KLRG1: variants seen among roughly 807,000 people sequenced by gnomAD.
KLRG1 encodes the protein killer cell lectin-like receptor subfamily G member 1.
A neutral mutation model predicts 21.8 loss-of-function variants in KLRG1; 16 were observed. The ratio of observed to expected loss-of-function variants is 0.73; its 90% CI spans 0.50 to 1.11. The LOEUF is 1.11. Ranked by LOEUF, KLRG1 falls within the 50% of genes most tolerant of loss-of-function variation. KLRG1 has a pLI of 0.00. For missense variants in KLRG1, 173 were observed against 218.3 expected (o/e 0.79, Z 1.31); for synonymous variants, 69 against 75.9 (o/e 0.91, Z 0.47).
chr12:9,158,431 T>G, the KLRG1 span: 1 of 1,614,102 alleles, frequency 6.2e-7, no homozygotes, highest in East Asian at 2.2e-5. Context: ...TTTATGGCAT[T>G]GTTGAGCAGT....
At chr12:9,003,913 C>A (rs1202568573) in intron 3 of KLRG1, among the ~76,000 whole-genome samples, 7 of 147,610 alleles carry the variant, frequency 4.7e-5, no homozygotes, top group South Asian at 2.2e-4. Context: ...TCCATGTGTT[C>A]TCATTGTTCA....
chr12:9,089,920 G>A, the KLRG1 span: 1 of 1,611,888 alleles, frequency 6.2e-7, no homozygotes, highest in Non-Finnish European at 8.5e-7. Context: ...ACAGAGGCTT[G>A]ATGACTGTGT....
chr12:9,127,561 C>T, the KLRG1 span, among the ~76,000 whole-genome samples: 2 of 152,212 alleles, frequency 1.3e-5, no homozygotes, highest in African/African-American at 4.8e-5. Flanking sequence ...CCACTTAGTC[C>T]TTTGGGGGCT....
At chr12:9,057,390 G>A in the KLRG1 span, among the ~76,000 whole-genome samples, 22,133 of 152,064 alleles carry the variant, frequency 0.15, 1,759 homozygotes, top group African/African-American at 0.19. Flanking sequence ...AAGAGGGATG[G>A]GAAATCACTT....
the KLRG1 span, among the ~76,000 whole-genome samples, chr12:9,213,413 A>G: frequency 1.3e-5 from 2 of 152,198 alleles, no homozygotes; most frequent in African/African-American, 4.8e-5. Flanking sequence ...TATTTTTCAC[A>G]GTGGCTGAAA....
the KLRG1 span, among the ~76,000 whole-genome samples, chr12:9,159,372 C>T: frequency 1.3e-5 from 2 of 152,258 alleles, no homozygotes; most frequent in Non-Finnish European, 2.9e-5. Flanking sequence ...GCTAATAACT[C>T]TCACTTCCCA....
At chr12:9,157,381 C>G in the KLRG1 span, 1 of 1,597,312 alleles carries the variant, frequency 6.3e-7, no homozygotes, top group Non-Finnish European at 8.5e-7. Flanking sequence ...GTGGTTGTGT[C>G]AAACTAGGGT....
the KLRG1 span, chr12:9,101,246 A>G: frequency 1.9e-6 from 3 of 1,539,390 alleles, no homozygotes; most frequent in Non-Finnish European, 2.6e-6. Flanking sequence ...AATGTGCCAG[A>G]GAGAACACGC....
intron 1 of KLRG1, among the ~76,000 whole-genome samples, chr12:8,967,324 T>G (rs1191435579): frequency 2.0e-5 from 3 of 152,118 alleles, no homozygotes; most frequent in African/African-American, 7.2e-5. Flanking sequence ...ACCCTAAAAC[T>G]TTATACTTTA....
At chr12:9,160,752 A>C in the KLRG1 span, among the ~76,000 whole-genome samples, 1 of 152,096 alleles carries the variant, frequency 6.6e-6, no homozygotes, top group Non-Finnish European at 1.5e-5. Context: ...GTCTCTACTA[A>C]AAATACAAAA....
chr12:9,128,994 A>G, the KLRG1 span, among the ~76,000 whole-genome samples: 1 of 152,174 alleles, frequency 6.6e-6, no homozygotes, highest in African/African-American at 2.4e-5. Flanking sequence ...TTGACTTGTA[A>G]TGGGGTTTCA....
the KLRG1 span, chr12:9,095,058 G>T: frequency 6.3e-7 from 1 of 1,592,302 alleles, no homozygotes; most frequent in East Asian, 2.3e-5. Flanking sequence ...GAATCTTTGA[G>T]TTGGTGAATG....
At chr12:9,115,518 T>A in the KLRG1 span, 1 of 388,806 alleles carries the variant, frequency 2.6e-6, no homozygotes, top group Non-Finnish European at 4.7e-6. Flanking sequence ...AAATTTATTC[T>A]TTTAAAAAGC....
the KLRG1 span, chr12:9,150,807 A>C: frequency 9.8e-7 from 1 of 1,025,588 alleles, no homozygotes; most frequent in Admixed American, 1.9e-5. Context: ...TCCCATGAGC[A>C]AAACATATTC....
At chr12:9,080,415 A>G in the KLRG1 span, 1 of 296,206 alleles carries the variant, frequency 3.4e-6, no homozygotes, top group East Asian at 6.0e-5. Flanking sequence ...TCGCATGCCA[A>G]ATAAGACAAC....
At chr12:9,112,484 T>C in the KLRG1 span, 1 of 1,613,856 alleles carries the variant, frequency 6.2e-7, no homozygotes, top group African/African-American at 1.3e-5. Flanking sequence ...GGTTGGTCCT[T>C]TCACTTGGAC....
At chr12:9,064,546 G>A in the KLRG1 span, 1 of 155,306 alleles carries the variant, frequency 6.4e-6, no homozygotes, top group Non-Finnish European at 1.4e-5. The surrounding 1 kb of genome is among the most constrained non-coding windows in gnomAD (Gnocchi z 4.0). Context: ...GCTCTCGCCC[G>A]CCGCCGCCGC....
downstream of KLRG1, among the ~76,000 whole-genome samples, chr12:9,012,913 C>T (rs1290200490): frequency 1.3e-5 from 2 of 152,172 alleles, no homozygotes; most frequent in African/African-American, 4.8e-5. Flanking sequence ...CAGTGCTATG[C>T]TGGCTTCAGG....
chr12:9,020,947 T>C, the KLRG1 span, among the ~76,000 whole-genome samples: 1 of 152,170 alleles, frequency 6.6e-6, no homozygotes, highest in African/African-American at 2.4e-5. Context: ...ACCTGGGCTA[T>C]ATGGGACAGC....
Sources: gnomAD v4.1 joint callset for allele counts (sites outside exome capture counted in the v4.1 genomes callset) on GRCh38, gnomAD v4.1.1 for gene constraint, Gnocchi (gnomAD v3.1) non-coding constraint, MANE v1.5 for transcripts, NCBI Gene and HGNC (gene_info 2026-07-23, HGNC 2026-07-21) for gene names.